The following MYRIP variants were observed in gnomAD, a reference collection of about 807,000 sequenced individuals.
MYRIP encodes rab effector MyRIP.
Under a neutral mutation model 98.0 loss-of-function variants are expected in MYRIP, and 49 were observed. The ratio of observed to expected loss-of-function variants is 0.50; its 90% confidence interval spans 0.40 to 0.63. The LOEUF (loss-of-function observed/expected upper bound fraction) is 0.63. Ranked by LOEUF, MYRIP falls within the 30% of genes least tolerant of loss-of-function variation. MYRIP has a pLI of 0.00. For synonymous variants in MYRIP, 404 were observed against 409.5 expected (o/e 0.99, Z 0.16); for missense variants, 1,004 against 1,058.2 (o/e 0.95, Z 0.71).
intron 3 of MYRIP, among the ~76,000 whole-genome samples, chr3:40,148,694 G>C (rs2125570944): frequency 6.6e-6 from 1 of 152,236 alleles, no homozygotes; most frequent in Non-Finnish European, 1.5e-5. Flanking sequence ...AATATCCTGA[G>C]TTATCTTTCT....
chr3:40,074,877 A>G (rs1482427960), intron 3 of MYRIP, among the ~76,000 whole-genome samples: 1 of 152,218 alleles, frequency 6.6e-6, no homozygotes, highest in East Asian at 1.9e-4. Flanking sequence ...TTCACATCAT[A>G]TGTTATCAGG....
chr3:40,011,674 T>C (rs978638412), intron 2 of MYRIP, among the ~76,000 whole-genome samples: 6 of 151,928 alleles, frequency 3.9e-5, no homozygotes, highest in Admixed American at 1.3e-4. Flanking sequence ...CCTTTCTCTC[T>C]TTTTTTTGGT....
intron 2 of MYRIP, among the ~76,000 whole-genome samples, chr3:39,907,491 C>T (rs1457556901): frequency 6.6e-6 from 1 of 152,150 alleles, no homozygotes; most frequent in African/African-American, 2.4e-5. Context: ...CCTCTCCCCT[C>T]GCCTTCTGTG....
rs11310709 is a variant in MYRIP at position 39,959,674 on chromosome 3, TAA to T, written c.110+58759_110+58760del. Among the ~76,000 whole-genome samples the T allele has an allele frequency of 1.4e-3, 204 of 142,940 alleles. 2 individuals are homozygous for T. The South Asian group carries it at 0.042, about 29-fold the overall frequency. The allele number at this position is 142,940 out of a possible 152,430, so 93.8% of individuals were successfully genotyped here. A position where few individuals can be genotyped will look rare whatever the true frequency, so the allele number is the denominator to read the frequency against. ...GTACCCTAGTACTTAAAGTATACTT[TAA>T]AAAAAAAAAAGCAAACTTACTGAAT... On this transcript the variant is annotated intron_variant, in intron 2 of 16. Coordinates refer to ENST00000302541, the MANE Select transcript of MYRIP (RefSeq NM_015460.4).
intron 1 of MYRIP, among the ~76,000 whole-genome samples, chr3:39,852,281 TAAC>T (rs1942152353): frequency 6.6e-6 from 1 of 152,176 alleles, no homozygotes; most frequent in South Asian, 2.1e-4. Context: ...GGGAGACTAG[TAAC>T]AACTTGATGG....
intron 2 of MYRIP, among the ~76,000 whole-genome samples, chr3:39,926,803 G>A (rs1944429500): frequency 1.3e-5 from 2 of 151,954 alleles, no homozygotes; most frequent in South Asian, 2.1e-4. Flanking sequence ...GAATGCTTTG[G>A]CTATTTGGGC....
intron 1 of MYRIP, among the ~76,000 whole-genome samples, chr3:39,867,939 T>C (rs1200084449): frequency 6.6e-6 from 1 of 152,158 alleles, no homozygotes; most frequent in Non-Finnish European, 1.5e-5. Flanking sequence ...AAAGGTGAGA[T>C]TGATATCAAA....
intron 9 of MYRIP, among the ~76,000 whole-genome samples, chr3:40,184,449 G>C (rs978830419): frequency 1.1e-4 from 16 of 152,162 alleles, no homozygotes; most frequent in African/African-American, 3.6e-4. Context: ...TTGTTTTGCA[G>C]ATAAGAACAT....
chr3:40,178,735 G>A (rs1309317882), intron 8 of MYRIP, among the ~76,000 whole-genome samples: 1 of 152,146 alleles, frequency 6.6e-6, no homozygotes, highest in Non-Finnish European at 1.5e-5. Context: ...AACAGTTTAA[G>A]TTTTTCCAAG....
chr3:40,018,435 G>C (rs1365410869), intron 2 of MYRIP, among the ~76,000 whole-genome samples: 3 of 152,142 alleles, frequency 2.0e-5, no homozygotes, highest in African/African-American at 7.2e-5. Context: ...CTAAATGCAT[G>C]GTTTGCTACC....
At chr3:40,179,430 A>G (rs1950837438) in intron 8 of MYRIP, among the ~76,000 whole-genome samples, 1 of 152,176 alleles carries the variant, frequency 6.6e-6, no homozygotes, top group Non-Finnish European at 1.5e-5. Context: ...TTTTGCAGAG[A>G]ATGGGGGAGA....
intron 13 of MYRIP, among the ~76,000 whole-genome samples, chr3:40,244,886 T>C (rs1575675978): frequency 6.6e-6 from 1 of 152,216 alleles, no homozygotes; most frequent in South Asian, 2.1e-4. Flanking sequence ...CATAGGTCTC[T>C]CTACTATACA....
chr3:40,099,787 A>T (rs1455092991), intron 3 of MYRIP, among the ~76,000 whole-genome samples: 1 of 152,212 alleles, frequency 6.6e-6, no homozygotes, highest in Non-Finnish European at 1.5e-5. Flanking sequence ...TGATAAAACC[A>T]TGTCTTTGGC....
rs186615934 is a variant in MYRIP, at chr3:39,903,472, G to C, written c.110+2546G>C. Among the ~76,000 whole-genome samples the C allele has an allele frequency of 1.1e-3, 163 of 152,254 alleles. 3 individuals are homozygous for C. The highest frequency in any genetic ancestry group is 5.9e-5 in the Non-Finnish European group (4 of 68,022). ...GAGGTTAGGTCTTGAGTGTAGTAGA[G>C]CTTATCCAGTGTTTATAATGATCTG... On this transcript the variant is annotated intron_variant, in intron 2 of 16. Transcript: ENST00000302541.
intron 1 of MYRIP, among the ~76,000 whole-genome samples, chr3:39,882,585 T>A (rs766297569): frequency 6.6e-6 from 1 of 152,196 alleles, no homozygotes; most frequent in Non-Finnish European, 1.5e-5. Context: ...CCTCAGTGGC[T>A]AAGAGCATGG....
At chr3:39,878,507 A>G (rs1339200966) in intron 1 of MYRIP, among the ~76,000 whole-genome samples, 1 of 152,100 alleles carries the variant, frequency 6.6e-6, no homozygotes, top group Non-Finnish European at 1.5e-5. Context: ...TTTCAACAGT[A>G]TGCGCCTGGT....
intron 2 of MYRIP, among the ~76,000 whole-genome samples, chr3:40,003,597 C>T (rs545843215): frequency 1.7e-4 from 26 of 152,244 alleles, no homozygotes; most frequent in African/African-American, 6.3e-4. Flanking sequence ...AAATGATCAG[C>T]TTCCCTTAAT....
rs71091786 is a variant in MYRIP, at chr3:40,036,302, CAAAAA to C, written c.111-7730_111-7726del. 1.5e-3 allele frequency among the ~76,000 whole-genome samples: 98 copies of C among 64,292 alleles called. No individual in the cohort carries two copies. In the Middle Eastern group the frequency reaches 0.047, roughly 31 times the overall value. 42.2% of individuals were successfully genotyped at this position (64,292 alleles called of 152,430 possible). On this transcript the variant is annotated intron_variant, in intron 2 of 16. Transcript: ENST00000302541. ...GACTTCCCATTGCAACAACTGATAC[CAAAAA>C]AAAAAAAAAAAAAAAAACTTTATTC...
chr3:40,126,749 T>C (rs750999613), intron 3 of MYRIP, among the ~76,000 whole-genome samples: 3 of 152,202 alleles, frequency 2.0e-5, no homozygotes, highest in Non-Finnish European at 2.9e-5. Context: ...TATTTGACGG[T>C]CCCTGTATCC....
Sources: allele counts gnomAD v4.1 joint callset (sites outside exome capture counted in the v4.1 genomes callset), GRCh38; gene constraint gnomAD v4.1.1; transcripts MANE v1.5; gene names NCBI Gene and HGNC (gene_info 2026-07-23, HGNC 2026-07-21).